The following LINGO2 variants were observed in gnomAD, a reference collection of about 807,000 sequenced individuals.
The protein encoded by LINGO2 is leucine rich repeat and Ig domain containing 2.
LINGO2 carries 14 observed loss-of-function variants against 30.6 expected under a neutral mutation model. The ratio of observed to expected loss-of-function variants is 0.46; its 90% CI spans 0.30 to 0.72. LINGO2 has a LOEUF of 0.72. Among genes scored for constraint, LINGO2 ranks in the 30% least tolerant of loss-of-function variants. LINGO2 has a pLI of 0.07. For synonymous variants in LINGO2, 317 were observed against 288.5 expected, an observed-to-expected ratio of 1.10 and a Z score of -1.00; for missense variants, 729 against 751.7, an observed-to-expected ratio of 0.97 and a Z score of 0.35.
the LINGO2 span, among the ~76,000 whole-genome samples, chr9:29,095,856 C>T: frequency 1.7e-3 from 235 of 138,570 alleles, 40 homozygotes; most frequent in African/African-American, 6.0e-3. Flanking sequence ...AGAGTAGTCA[C>T]TTTTCCATTT....
chr9:29,172,507 T>C, the LINGO2 span, among the ~76,000 whole-genome samples: 1 of 151,962 alleles, frequency 6.6e-6, no homozygotes, highest in African/African-American at 2.4e-5. Context: ...ATGAGATAAA[T>C]ATATCATGAA....
the LINGO2 span, among the ~76,000 whole-genome samples, chr9:28,712,467 A>G: frequency 6.6e-6 from 1 of 151,248 alleles, no homozygotes; most frequent in Non-Finnish European, 1.5e-5. Flanking sequence ...CAGACTGATT[A>G]AGTAGCTCAA....
chr9:28,498,474 C>T (rs1044601038), intron 1 of LINGO2, among the ~76,000 whole-genome samples: 1 of 152,224 alleles, frequency 6.6e-6, no homozygotes, highest in African/African-American at 2.4e-5. Flanking sequence ...GGGTTATAAT[C>T]TCCTGGTGTG....
At chr9:29,154,745 G>T in the LINGO2 span, among the ~76,000 whole-genome samples, 2 of 152,264 alleles carry the variant, frequency 1.3e-5, no homozygotes, top group South Asian at 2.1e-4. Context: ...CCTAACTTTA[G>T]ATTAGAAAAG....
chr9:28,763,564 T>C, the LINGO2 span, among the ~76,000 whole-genome samples: 5 of 151,378 alleles, frequency 3.3e-5, 1 homozygote, highest in South Asian at 8.3e-4. Flanking sequence ...TGGCAATAAA[T>C]GCCTACATTA....
intron 2 of LINGO2, among the ~76,000 whole-genome samples, chr9:28,399,784 T>A (rs1365764184): frequency 6.6e-6 from 1 of 152,152 alleles, no homozygotes; most frequent in African/African-American, 2.4e-5. Context: ...AATTATGGGA[T>A]TTGATTTACA....
chr9:29,188,702 G>A, the LINGO2 span, among the ~76,000 whole-genome samples: 1 of 140,332 alleles, frequency 7.1e-6, no homozygotes, highest in South Asian at 2.2e-4. Context: ...CAGGCGGGGG[G>A]CTGACCCCCC....
In LINGO2 at chr9:28,320,155, C is replaced by T. The variant is rs115749532; in HGVS notation, c.-245-24789G>A. Among the ~76,000 whole-genome samples, 514 of 152,078 alleles carry T rather than the reference C, an allele frequency of 3.4e-3. 4 individuals are homozygous for T. The highest frequency in any genetic ancestry group is 0.012 in the African/African-American group (492 of 41,496). On this transcript the variant is annotated intron_variant, in intron 3 of 5. Coordinates refer to ENST00000379992, the Ensembl canonical transcript of LINGO2. The stretch of plus-strand genomic sequence containing the variant: ...AGTTTTGCATTGGAAACATACAATC[C>T]CCTCATTCTCAAGGGTCACATAGCT...
intron 4 of LINGO2, among the ~76,000 whole-genome samples, chr9:28,188,940 C>T (rs891141017): frequency 6.6e-6 from 1 of 152,074 alleles, no homozygotes; most frequent in Non-Finnish European, 1.5e-5. Flanking sequence ...AAAAGCATCT[C>T]TTCAGAAACT....
In LINGO2 at chr9:28,273,159, T is replaced by G. The variant is rs143741345; in HGVS notation, c.-87+22049A>C. Reference sequence around the variant, plus strand: ...ACCACATAGTTCCTCATATCCAACATAATTATTTCTTGCGTATTGTATAAG... The same window carrying G: ...ACCACATAGTTCCTCATATCCAACAGAATTATTTCTTGCGTATTGTATAAG... On this transcript the variant is annotated intron_variant, in intron 4 of 5. Coordinates refer to ENST00000379992, the Ensembl canonical transcript of LINGO2. 3.7e-3 allele frequency among the ~76,000 whole-genome samples: 564 copies of G among 152,306 alleles called. 6 individuals are homozygous for G. The highest frequency in any genetic ancestry group is 0.013 in the African/African-American group (540 of 41,580).
rs55703703 is a variant in LINGO2 at position 28,119,759 on chromosome 9, A to T, written c.-86-107354T>A. On this transcript the variant is annotated intron_variant, in intron 4 of 5. Transcript: ENST00000379992. ...GGCTTGGTTAATTAAAAGCCTAATA[A>T]AATGTATCAATCTGTCTCTAGTAAA... 5.8e-3 allele frequency among the ~76,000 whole-genome samples: 884 copies of T among 152,274 alleles called. 8 individuals are homozygous for T. Among genetic ancestry groups the T allele is most frequent in the African/African-American group, 0.02 (824 of 41,550 alleles).
the LINGO2 span, among the ~76,000 whole-genome samples, chr9:29,075,255 TG>T: frequency 2.0e-5 from 3 of 152,160 alleles, 1 homozygote; most frequent in African/African-American, 7.2e-5. Flanking sequence ...TTGCTCAAAG[TG>T]ATTTGTTAAA....
rs577626671 is a variant in LINGO2 at position 28,629,571 on chromosome 9, A to G, written c.-365+40629T>C. Among the ~76,000 whole-genome samples the G allele has an allele frequency of 2.0e-5, 3 of 152,204 alleles. No homozygotes were observed. In the East Asian group the frequency reaches 5.8e-4, roughly 29 times the overall value. On this transcript the variant is annotated intron_variant, in intron 1 of 5. Coordinates refer to ENST00000379992, the Ensembl canonical transcript of LINGO2. The stretch of plus-strand genomic sequence containing the variant: ...GTTATTTTCATTTATAGCCAAATAC[A>G]TACTAAAAATGAGAAATTAAATTCT...
the LINGO2 span, among the ~76,000 whole-genome samples, chr9:28,992,986 C>T: frequency 1.3e-5 from 2 of 151,590 alleles, no homozygotes; most frequent in Non-Finnish European, 2.9e-5. Context: ...CATTCAAAAG[C>T]TAGCAGAAGG....
chr9:29,211,735 C>G, the LINGO2 span, among the ~76,000 whole-genome samples: 1 of 152,128 alleles, frequency 6.6e-6, no homozygotes, highest in Non-Finnish European at 1.5e-5. Flanking sequence ...TACTCGTTTT[C>G]TCCACCACAC....
the LINGO2 span, among the ~76,000 whole-genome samples, chr9:28,765,097 T>C: frequency 6.6e-6 from 1 of 151,914 alleles, no homozygotes; most frequent in Non-Finnish European, 1.5e-5. Context: ...TTCTATGCAA[T>C]CCTTATCAAA....
chr9:28,999,016 G>C, the LINGO2 span, among the ~76,000 whole-genome samples: 1 of 152,104 alleles, frequency 6.6e-6, no homozygotes, highest in Non-Finnish European at 1.5e-5. Flanking sequence ...CAGGCACAGA[G>C]CTAGTTATTG....
At chr9:28,815,289 T>A in the LINGO2 span, among the ~76,000 whole-genome samples, 2 of 152,318 alleles carry the variant, frequency 1.3e-5, no homozygotes, top group South Asian at 4.1e-4. Context: ...TTTCTTAATA[T>A]AATAGATTTG....
chr9:29,177,663 T>C, the LINGO2 span, among the ~76,000 whole-genome samples: 1 of 152,214 alleles, frequency 6.6e-6, no homozygotes, highest in African/African-American at 2.4e-5. Context: ...TCTTTTCCAC[T>C]AATCATGATG....
Sources: allele counts gnomAD v4.1 joint callset (sites outside exome capture counted in the v4.1 genomes callset), GRCh38; gene constraint gnomAD v4.1.1; transcripts MANE v1.5; gene names NCBI Gene and HGNC (gene_info 2026-07-23, HGNC 2026-07-21).